Variants in NRCAM observed in about 807,000 individuals in gnomAD.
NRCAM encodes the protein neuronal cell adhesion molecule.
Under a neutral mutation model 156.5 loss-of-function variants are expected in NRCAM, and 83 were observed. That is an observed-to-expected ratio of 0.53 (90% CI 0.44 to 0.64). The LOEUF is 0.64. Among genes scored for constraint, NRCAM ranks in the 30% least tolerant of loss-of-function variants. The pLI, the probability that NRCAM is intolerant of heterozygous loss-of-function variation, is 0.00. For missense variants in NRCAM, 1,417 were observed against 1,597.3 expected, an observed-to-expected ratio of 0.89 and a Z score of 1.92; for synonymous variants, 538 against 563.9, an observed-to-expected ratio of 0.95 and a Z score of 0.65.
intron 1 of NRCAM, among the ~76,000 whole-genome samples, chr7:108,403,287 A>C (rs897181989): frequency 3.3e-5 from 5 of 152,176 alleles, no homozygotes; most frequent in African/African-American, 1.2e-4. Flanking sequence ...CCTGCTAAAA[A>C]CTTTTGACTT....
At chr7:108,277,878 T>G (rs1449390503) in intron 3 of NRCAM, among the ~76,000 whole-genome samples, 2 of 152,222 alleles carry the variant, frequency 1.3e-5, no homozygotes, top group African/African-American at 4.8e-5. Context: ...TGTGGTTTTA[T>G]CTACCTTTGG....
At chr7:108,346,360 CT>C (rs1323611980) in intron 2 of NRCAM, among the ~76,000 whole-genome samples, 1 of 152,076 alleles carries the variant, frequency 6.6e-6, no homozygotes, top group African/African-American at 2.4e-5. Context: ...ACACAGTATG[CT>C]TTTTTACATG....
intron 3 of NRCAM, among the ~76,000 whole-genome samples, chr7:108,306,746 C>G (rs367962236): frequency 6.6e-6 from 1 of 152,080 alleles, no homozygotes; most frequent in African/African-American, 2.4e-5. Context: ...AAGTCACAAC[C>G]TGGAATGAAG....
intron 3 of NRCAM, among the ~76,000 whole-genome samples, chr7:108,291,288 A>C (rs2154120379): frequency 6.6e-6 from 1 of 152,316 alleles, no homozygotes. Flanking sequence ...CTTCTGAGTA[A>C]TTCAAAATGC....
chr7:108,255,314 G>A (rs1320618704), intron 3 of NRCAM, among the ~76,000 whole-genome samples: 1 of 152,146 alleles, frequency 6.6e-6, no homozygotes. Flanking sequence ...TTGCAGGTGT[G>A]CGCCGCCACG....
intron 26 of NRCAM, 135 bp downstream of exon 26, chr7:108,177,855 A>T (rs887078546): frequency 4.7e-6 from 3 of 634,086 alleles, no homozygotes; most frequent in Non-Finnish European, 7.2e-6. Context: ...TGAATATGCG[A>T]ATTCCCCTGA....
chr7:108,325,893 C>T (rs1383651566), intron 2 of NRCAM, among the ~76,000 whole-genome samples: 1 of 151,760 alleles, frequency 6.6e-6, no homozygotes, highest in African/African-American at 2.4e-5. Flanking sequence ...ATGCATAGAA[C>T]GTATCTCTGG....
intron 11 of NRCAM, among the ~76,000 whole-genome samples, chr7:108,222,929 C>T (rs1378766039): frequency 1.3e-5 from 2 of 152,188 alleles, no homozygotes; most frequent in African/African-American, 4.8e-5. Context: ...GGCAAGGCCT[C>T]CCTGCAACTC....
At chr7:108,185,988 G>A (rs1318969675) in intron 20 of NRCAM, among the ~76,000 whole-genome samples, 1 of 152,166 alleles carries the variant, frequency 6.6e-6, no homozygotes, top group South Asian at 2.1e-4. Flanking sequence ...GGGAGACAGG[G>A]GCGGGAGGAA....
chr7:108,435,201 AT>A (rs989278575), intron 1 of NRCAM, among the ~76,000 whole-genome samples: 2 of 152,164 alleles, frequency 1.3e-5, no homozygotes, highest in Non-Finnish European at 2.9e-5. Flanking sequence ...ATAATCTCAA[AT>A]TTTTTTAAAG....
chr7:108,428,975 G>A (rs1554639083), intron 1 of NRCAM, among the ~76,000 whole-genome samples: 1 of 151,682 alleles, frequency 6.6e-6, no homozygotes, highest in Non-Finnish European at 1.5e-5. Flanking sequence ...GGCTTCCAAG[G>A]ATTGTCAAGG....
chr7:108,276,704 G>A (rs1208954723), intron 3 of NRCAM, among the ~76,000 whole-genome samples: 3 of 152,104 alleles, frequency 2.0e-5, no homozygotes, highest in Non-Finnish European at 4.4e-5. Flanking sequence ...GCCAGTCTGT[G>A]TCTTTTAATT....
At chr7:108,150,290 T>C in intron 32 of NRCAM, 143 bp from the exon 33 acceptor site, 1 of 711,046 alleles carries the variant, frequency 1.4e-6, no homozygotes, top group East Asian at 2.5e-5. Flanking sequence ...TTGACTCCAA[T>C]GACGAGGATG....
intron 3 of NRCAM, among the ~76,000 whole-genome samples, chr7:108,276,760 G>T (rs570099725): frequency 2.6e-5 from 4 of 152,296 alleles, no homozygotes; most frequent in African/African-American, 9.6e-5. Flanking sequence ...TGTTAGGTGT[G>T]AATTTGATCC....
chr7:108,376,999 T>C lies in NRCAM; in HGVS notation c.-174+22437A>G, dbSNP rs563521003. 8.0e-4 allele frequency among the ~76,000 whole-genome samples: 121 copies of C among 151,934 alleles called. 3 individuals carry two copies. In the South Asian group the frequency reaches 0.024, roughly 30 times the overall value. ...AGGCAACAGGGCAAAACCTCATCTC[T>C]ACAAATAAATACAAAAATTAGCTAG... On this transcript the variant is annotated intron_variant, in intron 2 of 32. Coordinates refer to ENST00000379028, the MANE Select transcript of NRCAM (RefSeq NM_001037132.4).
rs571795481 is a variant in NRCAM, at chr7:108,295,629, G to A, written c.-107+17036C>T. 2.0e-5 allele frequency among the ~76,000 whole-genome samples: 3 copies of A among 152,276 alleles called. No individual in the cohort carries two copies. In the East Asian group the frequency reaches 5.8e-4, roughly 29 times the overall value. On this transcript the variant is annotated intron_variant, in intron 3 of 32. Transcript: ENST00000379028. ...CTAATGCCATCACATCAGAGATTTA[G>A]GCTTCAACATATGAATTTTGGGGGG...
At chr7:108,283,962 C>T (rs2097964433) in intron 3 of NRCAM, among the ~76,000 whole-genome samples, 1 of 152,018 alleles carries the variant, frequency 6.6e-6, no homozygotes, top group Non-Finnish European at 1.5e-5. Flanking sequence ...TATCTTGCCT[C>T]GGCCTCCTGA....
At chr7:108,433,620 C>T (rs1160788226) in intron 1 of NRCAM, among the ~76,000 whole-genome samples, 2 of 152,116 alleles carry the variant, frequency 1.3e-5, no homozygotes, top group Admixed American at 6.5e-5. Context: ...CCCTCAAGAG[C>T]TGGTTGTTAA....
In NRCAM at chr7:108,269,359, T is replaced by C. The variant is rs565486765; in HGVS notation, c.-106-29189A>G. ...GGGCATAAAACCTCCTTTTTAAACA[T>C]CTCTCTTTTCTTCATAGCTCTGATT... On this transcript the variant is annotated intron_variant, in intron 3 of 32. Coordinates refer to ENST00000379028, the MANE Select transcript of NRCAM (RefSeq NM_001037132.4). 8.3e-4 allele frequency among the ~76,000 whole-genome samples: 127 copies of C among 152,218 alleles called. 1 individual carries two copies. The highest frequency in any genetic ancestry group is 3.0e-3 in the African/African-American group (124 of 41,542).
Sources: gnomAD v4.1 joint callset for allele counts (sites outside exome capture counted in the v4.1 genomes callset) on GRCh38, gnomAD v4.1.1 for gene constraint, MANE v1.5 for transcripts, NCBI Gene and HGNC (gene_info 2026-07-23, HGNC 2026-07-21) for gene names.